Variants in MGAM observed in about 807,000 individuals in gnomAD.
MGAM encodes the protein maltase-glucoamylase.
Under a neutral mutation model 358.8 loss-of-function variants are expected in MGAM, and 253 were observed. That is an observed-to-expected ratio of 0.71 (90% CI 0.64 to 0.78). MGAM has a LOEUF of 0.78. Among genes scored for constraint, MGAM ranks in the 30% least tolerant of loss-of-function variants. MGAM has a pLI of 0.00. For synonymous variants in MGAM, 1,105 were observed against 1,227.1 expected (o/e 0.90, Z 2.08); for missense variants, 3,080 against 3,432.6 (o/e 0.90, Z 2.57).
chr7:142,004,047 A>G (rs782488411), intron 1 of MGAM, among the ~76,000 whole-genome samples: 24 of 151,920 alleles, frequency 1.6e-4, no homozygotes, highest in Admixed American at 7.2e-4. Context: ...AACAACACAT[A>G]TTGGGGAGGA....
At chr7:141,988,148 C>T (rs1431806010) in intron 2 of MGAM, among the ~76,000 whole-genome samples, 10 of 152,000 alleles carry the variant, frequency 6.6e-5, no homozygotes, top group South Asian at 4.2e-4. Flanking sequence ...ATTAGCCGGG[C>T]GTGGTGGTGC....
chr7:142,001,950 T>C lies in MGAM; in HGVS notation c.-2-3579T>C, dbSNP rs1426711316. The stretch of plus-strand genomic sequence containing the variant: ...CAATAGATAATAATAACAAAAGAAA[T>C]TGTAGTTTCATTTTACAGATAAGAA... On this transcript the variant is annotated intron_variant, in intron 1 of 70. Transcript: ENST00000475668. Among the ~76,000 whole-genome samples, 5 of 152,278 alleles carry C rather than the reference T, an allele frequency of 3.3e-5. No homozygotes were observed. In the East Asian group the frequency reaches 9.6e-4, roughly 29 times the overall value.
chr7:142,048,711 T>C (rs557755447), intron 22 of MGAM, among the ~76,000 whole-genome samples: 1 of 152,210 alleles, frequency 6.6e-6, no homozygotes, highest in South Asian at 2.1e-4. Flanking sequence ...AGGGAAACTT[T>C]GCAATGTTCC....
At position 142,105,984 on chromosome 7, in the gene MGAM, C is replaced by A. The variant is rs547969278; in HGVS notation, c.*93C>A. On this transcript the variant is annotated 3_prime_UTR_variant, in exon 71 of 71. Transcript: ENST00000475668. Reference sequence around the variant, plus strand: ...AATTATTGTGTGTTGCTAATTTGTTCATACCCACTATTGGTGAAATATTTC... The same window carrying A: ...AATTATTGTGTGTTGCTAATTTGTTAATACCCACTATTGGTGAAATATTTC... The A allele has an allele frequency of 3.1e-6, 3 of 964,136 alleles. No homozygotes were observed. Among genetic ancestry groups the A allele is most frequent in the East Asian group, 2.5e-5 (1 of 40,646 alleles). The allele number at this position is 964,136 out of a possible 1,614,324, so 59.7% of individuals were successfully genotyped here.
At position 142,030,348 on chromosome 7, in the gene MGAM, G is replaced by A. The variant is rs1554462837; in HGVS notation, c.1222-14G>A. The A allele has an allele frequency of 1.2e-6, 2 of 1,611,174 alleles. No individual in the cohort carries two copies. The highest frequency in any genetic ancestry group is 4.5e-5 in the East Asian group (2 of 44,754). On this transcript the variant is annotated splice_polypyrimidine_tract_variant and intron_variant, in intron 10 of 70. Transcript: ENST00000475668. ...TTCCTAGGTGCTAATTGTGGACTTTGTATATTCTTTCAGGATGTTCAGCAT... is the reference window on the plus strand; with the variant it reads ...TTCCTAGGTGCTAATTGTGGACTTTATATATTCTTTCAGGATGTTCAGCAT...
chr7:141,998,724 C>T (rs979101958), intron 1 of MGAM, among the ~76,000 whole-genome samples: 7 of 152,078 alleles, frequency 4.6e-5, no homozygotes, highest in Admixed American at 6.5e-5. Flanking sequence ...CATACGTGTG[C>T]GTGTGTCTTT....
Position 142,036,090 on chromosome 7 carries a change from T to C in MGAM, c.1960-79T>C, listed in dbSNP as rs188457582. The C allele has an allele frequency of 4.3e-5, 47 of 1,081,652 alleles. No homozygotes were observed. In the African/African-American group the frequency reaches 6.6e-4, roughly 15 times the overall value. 67.0% of individuals were successfully genotyped at this position (1,081,652 alleles called of 1,614,324 possible). On this transcript the variant is annotated intron_variant, in intron 16 of 70. Transcript: ENST00000475668. ...GGTAGGAGGTTTAAGCAAGGTTCAG[T>C]TGGGAGGTCCCTGGTGGAAAGCAAA...
In MGAM at chr7:142,021,185, A is replaced by G. The variant is rs1272649677; in HGVS notation, c.558+102A>G. On this transcript the variant is annotated intron_variant, in intron 5 of 70. Coordinates refer to ENST00000475668, the MANE Select transcript of MGAM (RefSeq NM_001365693.1). The stretch of plus-strand genomic sequence containing the variant: ...AATAGAAAATTTTGCTACTGGATGT[A>G]TTTTTCTATATTGCTATTATTAATT... The G allele has an allele frequency of 6.8e-6, 5 of 733,228 alleles. No homozygotes were observed. In the African/African-American group the frequency reaches 8.9e-5, roughly 13 times the overall value. The allele number at this position is 733,228 out of a possible 1,614,324, so 45.4% of individuals were successfully genotyped here. A position where few individuals can be genotyped will look rare whatever the true frequency, so the allele number is the denominator to read the frequency against.
Position 142,079,015 on chromosome 7 carries a change from A to G in MGAM, c.5847+7A>G. On this transcript the variant is annotated splice_region_variant and intron_variant, in intron 49 of 70. Coordinates refer to ENST00000475668, the MANE Select transcript of MGAM (RefSeq NM_001365693.1). Reference sequence around the variant, plus strand: ...TGAAATGCTACAGTTCAAGGTAAACACGGTACATATATCAGGCAGTGATAA... The same window carrying G: ...TGAAATGCTACAGTTCAAGGTAAACGCGGTACATATATCAGGCAGTGATAA... The G allele has an allele frequency of 6.5e-7, 1 of 1,544,158 alleles. No homozygotes were observed. Among genetic ancestry groups the G allele is most frequent in the Non-Finnish European group, 8.9e-7 (1 of 1,122,814 alleles).
intron 67 of MGAM, 32 bp from the exon 68 acceptor site, chr7:142,100,770 T>G: frequency 6.3e-7 from 1 of 1,584,564 alleles, no homozygotes; most frequent in South Asian, 1.1e-5. Flanking sequence ...GGCTTTACTT[T>G]TAGCTAATGC....
At chr7:142,020,405 T>C (rs1806331127) in intron 4 of MGAM, among the ~76,000 whole-genome samples, 1 of 152,002 alleles carries the variant, frequency 6.6e-6, no homozygotes, top group Non-Finnish European at 1.5e-5. Flanking sequence ...GTTAGGCTTA[T>C]TGGGGGAGGT....
chr7:142,040,917 C>A (rs1173273622), intron 21 of MGAM, 71 bp downstream of exon 21: 1 of 1,512,522 alleles, frequency 6.6e-7, no homozygotes, highest in Non-Finnish European at 8.9e-7. Context: ...CTTTTCGAAA[C>A]ACACTAACAG....
At chr7:142,045,097 A>G (rs191850465) in intron 21 of MGAM, among the ~76,000 whole-genome samples, 54 of 102,348 alleles carry the variant, frequency 5.3e-4, no homozygotes, top group African/African-American at 2.0e-3. Flanking sequence ...TATAATATGT[A>G]TATTATATAT....
intron 70 of MGAM, 54 bp from the exon 71 acceptor site, chr7:142,105,760 A>C (rs1192063169): frequency 7.4e-7 from 1 of 1,344,072 alleles, no homozygotes; most frequent in African/African-American, 1.4e-5. Flanking sequence ...ATTTATTTGC[A>C]TGCAGGAAAT....
intron 55 of MGAM, 128 bp downstream of exon 55, chr7:142,086,089 C>G (rs1312274505): frequency 6.9e-7 from 1 of 1,452,646 alleles, no homozygotes; most frequent in African/African-American, 1.4e-5. Context: ...GTGTATTTCC[C>G]TGGACTCACA....
At chr7:142,016,023 T>C (rs1027127668) in intron 3 of MGAM, among the ~76,000 whole-genome samples, 1 of 152,220 alleles carries the variant, frequency 6.6e-6, no homozygotes, top group African/African-American at 2.4e-5. Context: ...TGATTTCTGT[T>C]ATTAATCCTT....
At chr7:142,008,063 A>G (rs1805303665) in intron 2 of MGAM, among the ~76,000 whole-genome samples, 1 of 152,210 alleles carries the variant, frequency 6.6e-6, no homozygotes. Context: ...ATTTTGCCCT[A>G]GTAGCACAAA....
chr7:142,054,200 C>G (rs561996486), intron 26 of MGAM, among the ~76,000 whole-genome samples: 2 of 152,204 alleles, frequency 1.3e-5, no homozygotes, highest in Admixed American at 1.3e-4. Flanking sequence ...ACATCACCCA[C>G]GTGTTGTGAG....
Position 142,076,706 on chromosome 7 carries a change from T to A in MGAM, c.5373T>A (p.Asn1791Lys). 3.9e-6 allele frequency: 6 copies of A among 1,552,268 alleles called. 1 individual carries two copies. The highest frequency in any genetic ancestry group is 5.3e-6 in the Non-Finnish European group (6 of 1,129,114). ...TISQSTYKDP[N>K]NLAFNEIKIL... ...CACAATCAACCTACAAGGACCCCAA[T>A]AATTTAGCATTCAATGAGATTAAAA... Residue 1791 changes from asparagine (N) to lysine (K), a missense_variant, in exon 47 of 71, where the codon AAT becomes AAA. Physicochemically the swap from Asn to Lys is moderately conservative, Grantham distance 94. This residue lies in a region of MGAM where 932 missense variants were observed against 1,198.2 expected (regional missense o/e 0.78). Transcript: ENST00000475668.
Sources: gnomAD v4.1 joint callset for allele counts (sites outside exome capture counted in the v4.1 genomes callset) on GRCh38, gnomAD v4.1.1 for gene constraint, gnomAD v4.1.1 regional missense constraint, MANE v1.5 for transcripts, NCBI Gene and HGNC (gene_info 2026-07-23, HGNC 2026-07-21) for gene names.